Variants in AGMO observed in about 807,000 individuals in gnomAD.
AGMO encodes the protein glyceryl-ether monooxygenase.
AGMO carries 75 observed loss-of-function variants against 60.2 expected under a neutral mutation model. That is an observed-to-expected ratio of 1.25 (90% confidence interval 1.03 to 1.51). The LOEUF is 1.51. AGMO is among the 40% of genes most tolerant of loss of function. AGMO has a pLI of 0.00. For synonymous variants in AGMO, 261 were observed against 177.1 expected, an observed-to-expected ratio of 1.47 and a Z score of -3.76; for missense variants, 763 against 525.5, an observed-to-expected ratio of 1.45 and a Z score of -4.42.
the AGMO span, among the ~76,000 whole-genome samples, chr7:15,191,964 GTCTCTC>G: frequency 9.4e-5 from 9 of 95,254 alleles, no homozygotes; most frequent in Admixed American, 1.2e-4. Context: ...CTCTCCCTCT[GTCTCTC>G]TCTCACACAC....
intron 5 of AGMO, among the ~76,000 whole-genome samples, chr7:15,410,897 A>G (rs1339268296): frequency 2.0e-5 from 3 of 152,052 alleles, no homozygotes; most frequent in Non-Finnish European, 2.9e-5. Context: ...TTGAAATATG[A>G]ACTACATTTT....
intron 2 of AGMO, among the ~76,000 whole-genome samples, chr7:15,555,846 A>T (rs1409010078): frequency 6.6e-6 from 1 of 152,166 alleles, no homozygotes; most frequent in African/African-American, 2.4e-5. Flanking sequence ...TTTCTAATGC[A>T]AATATTAAGA....
At chr7:15,173,137 T>A in the AGMO span, among the ~76,000 whole-genome samples, 1 of 152,162 alleles carries the variant, frequency 6.6e-6, no homozygotes, top group Admixed American at 6.6e-5. Context: ...TTGAATATAT[T>A]TGTTGAAGTA....
At chr7:15,144,383 TGACA>T in the AGMO span, among the ~76,000 whole-genome samples, 11 of 152,304 alleles carry the variant, frequency 7.2e-5, no homozygotes, top group East Asian at 2.1e-3. Context: ...CCAATCTTTC[TGACA>T]GAGTAGAAAC....
the AGMO span, among the ~76,000 whole-genome samples, chr7:15,175,388 A>G: frequency 1.3e-5 from 2 of 152,010 alleles, no homozygotes; most frequent in Non-Finnish European, 2.9e-5. Context: ...AAAGAAGAGT[A>G]GTTTTAACAC....
chr7:15,135,223 A>C, the AGMO span, among the ~76,000 whole-genome samples: 3 of 151,610 alleles, frequency 2.0e-5, no homozygotes, highest in Non-Finnish European at 4.4e-5. Context: ...GTGTGCCTAT[A>C]GTTTTTTCTA....
intron 9 of AGMO, among the ~76,000 whole-genome samples, chr7:15,386,774 A>C (rs1263424334): frequency 6.6e-6 from 1 of 152,192 alleles, no homozygotes; most frequent in African/African-American, 2.4e-5. Context: ...ATCACAACTT[A>C]TATTCTAAAT....
intron 5 of AGMO, among the ~76,000 whole-genome samples, chr7:15,406,380 A>C (rs1436071137): frequency 7.0e-6 from 1 of 142,822 alleles, no homozygotes; most frequent in East Asian, 2.0e-4. Context: ...ATACATATGA[A>C]TATACATATA....
chr7:15,135,688 T>A, the AGMO span, among the ~76,000 whole-genome samples: 1 of 152,066 alleles, frequency 6.6e-6, no homozygotes, highest in Non-Finnish European at 1.5e-5. Flanking sequence ...TAAATGTTTC[T>A]GTTTTAATTT....
chr7:15,330,570 A>C (rs1781469472), intron 12 of AGMO, among the ~76,000 whole-genome samples: 1 of 152,146 alleles, frequency 6.6e-6, no homozygotes, highest in African/African-American at 2.4e-5. Flanking sequence ...CCTTTACTTC[A>C]AATTCTGACC....
intron 3 of AGMO, among the ~76,000 whole-genome samples, chr7:15,443,616 G>A (rs1213273007): frequency 6.6e-6 from 1 of 152,058 alleles, no homozygotes; most frequent in Non-Finnish European, 1.5e-5. Context: ...AGCCATATCT[G>A]TATATGAGCT....
the AGMO span, among the ~76,000 whole-genome samples, chr7:15,133,949 G>A: frequency 3.3e-5 from 5 of 152,060 alleles, no homozygotes; most frequent in South Asian, 2.1e-4. Flanking sequence ...AATTGTTCCA[G>A]TTCTTAAGCA....
intron 12 of AGMO, among the ~76,000 whole-genome samples, chr7:15,252,877 G>C (rs1782980036): frequency 6.6e-6 from 1 of 152,128 alleles, no homozygotes. Flanking sequence ...AAAGACAAGA[G>C]ATCATGACAT....
chr7:15,423,212 G>A (rs1185956930), intron 4 of AGMO, among the ~76,000 whole-genome samples: 6 of 151,910 alleles, frequency 3.9e-5, no homozygotes, highest in African/African-American at 1.5e-4. Flanking sequence ...ATGTTCATCC[G>A]AATTCAGAAA....
chr7:15,423,674 A>ACGGTATGGGAGACCCT (rs1220144600), intron 4 of AGMO, among the ~76,000 whole-genome samples: 9 of 151,764 alleles, frequency 5.9e-5, no homozygotes, highest in Non-Finnish European at 1.0e-4. Flanking sequence ...TTTTATATAC[A>ACGGTATGGGAGACCCT]GGGAAAATTT....
At chr7:15,515,839 T>C (rs1783794274) in intron 3 of AGMO, among the ~76,000 whole-genome samples, 1 of 152,214 alleles carries the variant, frequency 6.6e-6, no homozygotes, top group African/African-American at 2.4e-5. Context: ...CAGAATATTT[T>C]CAAGCTGTTG....
At chr7:15,383,669 T>C (rs937906174) in intron 10 of AGMO, among the ~76,000 whole-genome samples, 5 of 152,160 alleles carry the variant, frequency 3.3e-5, no homozygotes, top group African/African-American at 1.2e-4. Flanking sequence ...TTTATTAATT[T>C]CTTTTACTTA....
intron 3 of AGMO, among the ~76,000 whole-genome samples, chr7:15,477,753 T>C (rs1782635195): frequency 6.6e-6 from 1 of 152,184 alleles, no homozygotes; most frequent in African/African-American, 2.4e-5. Context: ...CTTCCTTTCT[T>C]TTCTAATTTT....
At chr7:15,497,802 G>A (rs1783272173) in intron 3 of AGMO, among the ~76,000 whole-genome samples, 1 of 152,022 alleles carries the variant, frequency 6.6e-6, no homozygotes, top group Non-Finnish European at 1.5e-5. Context: ...GCATTTTTGG[G>A]TCCATCTCTA....
Sources: gnomAD v4.1 joint callset for allele counts (sites outside exome capture counted in the v4.1 genomes callset) on GRCh38, gnomAD v4.1.1 for gene constraint, MANE v1.5 for transcripts, NCBI Gene and HGNC (gene_info 2026-07-23, HGNC 2026-07-21) for gene names.